NLRP14: variants seen among roughly 807,000 people sequenced by gnomAD.
NLRP14 encodes the protein NLR family pyrin domain containing 14.
A neutral mutation model predicts 94.7 loss-of-function variants in NLRP14; 105 were observed. The ratio of observed to expected loss-of-function variants is 1.11; its 90% CI spans 0.95 to 1.30. NLRP14 has a LOEUF of 1.30. Ranked by LOEUF, NLRP14 falls within the 50% of genes most tolerant of loss-of-function variation. NLRP14 has a pLI of 0.00. For synonymous variants in NLRP14, 508 were observed against 459.9 expected (o/e 1.10, Z -1.34); for missense variants, 1,362 against 1,254.1 (o/e 1.09, Z -1.30).
Position 7,043,218 on chromosome 11 carries a change from G to A in NLRP14, c.1192G>A (p.Ala398Thr). ...DVTLTCQTTTALFTCYISSLF... is the reference protein window; with the variant it reads ...DVTLTCQTTTTLFTCYISSLF... ...CACATTGACCTGCCAAACAACCACA[G>A]CTCTGTTTACCTGCTATATTTCTAG... The change falls in exon 4 of 12, where the codon GCT becomes ACT. Residue 398 changes from alanine (A) to threonine (T), a missense_variant. Physicochemically the swap from Ala to Thr is moderately conservative, Grantham distance 58. Transcript: ENST00000299481. The A allele has an allele frequency of 6.2e-7, 1 of 1,614,130 alleles. No individual in the cohort carries two copies. Among genetic ancestry groups the A allele is most frequent in the Non-Finnish European group, 8.5e-7 (1 of 1,180,014 alleles).
chr11:7,042,273 A>T (rs558282626), intron 3 of NLRP14, 115 bp from the exon 4 acceptor site: 1 of 785,158 alleles, frequency 1.3e-6, no homozygotes, highest in Admixed American at 2.2e-5. Flanking sequence ...ATTTCAGCCT[A>T]TGTTCTTTCT....
chr11:7,029,437 T>C (rs1363845895), intron 1 of NLRP14, among the ~76,000 whole-genome samples: 1 of 152,174 alleles, frequency 6.6e-6, no homozygotes, highest in Non-Finnish European at 1.5e-5. Flanking sequence ...TCTGAAGAAA[T>C]AACACTTCCA....
intron 2 of NLRP14, 28 bp downstream of exon 2, chr11:7,038,903 G>T: frequency 6.2e-7 from 1 of 1,609,316 alleles, no homozygotes; most frequent in Non-Finnish European, 8.5e-7. Flanking sequence ...CAAATCGGGG[G>T]CTAGGCAGGA....
chr11:7,087,285 G>A, the NLRP14 span, among the ~76,000 whole-genome samples: 8 of 152,180 alleles, frequency 5.3e-5, no homozygotes, highest in Non-Finnish European at 1.0e-4. Context: ...ATTGACTTAT[G>A]ATTTTGTCTG....
chr11:7,051,077 G>T (rs1431167694), intron 6 of NLRP14, among the ~76,000 whole-genome samples: 1 of 152,204 alleles, frequency 6.6e-6, no homozygotes, highest in Non-Finnish European at 1.5e-5. Context: ...TTTGAGTAAT[G>T]TCGTCCGCTG....
At chr11:7,026,227 A>C (rs1391964942) in intron 1 of NLRP14, among the ~76,000 whole-genome samples, 1 of 152,144 alleles carries the variant, frequency 6.6e-6, no homozygotes, top group East Asian at 1.9e-4. Flanking sequence ...CAACCTACAG[A>C]ATGGGAGAAA....
the NLRP14 span, among the ~76,000 whole-genome samples, chr11:7,078,251 A>G: frequency 6.6e-6 from 1 of 151,406 alleles, no homozygotes; most frequent in Non-Finnish European, 1.5e-5. Flanking sequence ...ATCCTGGCTA[A>G]CATGGCAAAA....
intron 10 of NLRP14, among the ~76,000 whole-genome samples, chr11:7,068,952 G>T (rs1345115061): frequency 6.6e-6 from 1 of 152,088 alleles, no homozygotes; most frequent in East Asian, 1.9e-4. Context: ...CTGTGCCTGG[G>T]CAGTGGCAGT....
chr11:7,048,572 A>G (rs750337648), intron 5 of NLRP14, among the ~76,000 whole-genome samples: 33 of 152,080 alleles, frequency 2.2e-4, no homozygotes, highest in Non-Finnish European at 4.3e-4. Context: ...CAGTGTTTTT[A>G]GTGAGTTCTG....
At chr11:7,080,565 A>G in the NLRP14 span, among the ~76,000 whole-genome samples, 94,788 of 151,996 alleles carry the variant, frequency 0.62, 29,876 homozygotes, top group East Asian at 0.78. Flanking sequence ...TTCCCACAGA[A>G]ACAATTCTCC....
At chr11:7,082,871 G>A in the NLRP14 span, among the ~76,000 whole-genome samples, 1 of 152,144 alleles carries the variant, frequency 6.6e-6, no homozygotes, top group Non-Finnish European at 1.5e-5. Context: ...TGTGTTCACG[G>A]TCAATCCCAG....
At chr11:7,045,593 A>T (rs545886008) in intron 4 of NLRP14, among the ~76,000 whole-genome samples, 1 of 152,142 alleles carries the variant, frequency 6.6e-6, no homozygotes, top group Non-Finnish European at 1.5e-5. Context: ...ATAATTTATT[A>T]TCCTGTTTTT....
intron 10 of NLRP14, among the ~76,000 whole-genome samples, chr11:7,067,518 T>G (rs10769761): frequency 0.66 from 100,244 of 151,968 alleles, 33,600 homozygotes; most frequent in East Asian, 0.93. Context: ...TTGGTGTATA[T>G]GAATGCTTGT....
At chr11:7,063,042 G>C (rs1198474088) in intron 10 of NLRP14, among the ~76,000 whole-genome samples, 2 of 152,060 alleles carry the variant, frequency 1.3e-5, no homozygotes, top group Non-Finnish European at 2.9e-5. Flanking sequence ...GGGAAGCTCA[G>C]ACATAATGAC....
chr11:7,020,450 C>G (rs771020000), upstream of NLRP14: 1 of 152,226 alleles, frequency 6.6e-6, no homozygotes, highest in Non-Finnish European at 1.5e-5. Flanking sequence ...CCAGAAGTAT[C>G]CCGCGCCTCC....
chr11:7,029,923 G>A (rs1228283816), intron 1 of NLRP14, among the ~76,000 whole-genome samples: 3 of 152,162 alleles, frequency 2.0e-5, no homozygotes, highest in East Asian at 1.9e-4. Flanking sequence ...TGAGTCCTTA[G>A]TATCAGTTGC....
intron 10 of NLRP14, among the ~76,000 whole-genome samples, chr11:7,068,874 G>C (rs1441081366): frequency 6.6e-6 from 1 of 152,040 alleles, no homozygotes; most frequent in Non-Finnish European, 1.5e-5. Context: ...AGCTGGTCTT[G>C]AATTCCTGGC....
At chr11:7,020,925 G>A (rs1405360292) in intron 1 of NLRP14, among the ~76,000 whole-genome samples, 155 bp downstream of exon 1, 1 of 152,208 alleles carries the variant, frequency 6.6e-6, no homozygotes, top group Non-Finnish European at 1.5e-5. Flanking sequence ...CTGAAATGAA[G>A]CCATGAGAAG....
intron 1 of NLRP14, among the ~76,000 whole-genome samples, chr11:7,034,546 T>C (rs537370222): frequency 6.6e-6 from 1 of 152,346 alleles, no homozygotes; most frequent in East Asian, 1.9e-4. Context: ...TTTTATTAAT[T>C]TACACTTCAG....
Sources: allele counts gnomAD v4.1 joint callset (sites outside exome capture counted in the v4.1 genomes callset), GRCh38; gene constraint gnomAD v4.1.1; transcripts MANE v1.5; gene names NCBI Gene and HGNC (gene_info 2026-07-23, HGNC 2026-07-21).